STOM: variants seen among roughly 807,000 people sequenced by gnomAD.
STOM encodes the protein erythrocyte band 7 integral membrane protein.
A neutral mutation model predicts 30.6 loss-of-function variants in STOM; 25 were observed. That is an observed-to-expected ratio of 0.82 (90% CI 0.60 to 1.14). The LOEUF (loss-of-function observed/expected upper bound fraction) is 1.14, where lower values mean the gene tolerates loss of function less well. STOM is among the 50% of genes most tolerant of loss of function. The pLI, the probability that STOM is intolerant of heterozygous loss-of-function variation, is 0.00. For missense variants in STOM, 292 were observed against 365.2 expected, an observed-to-expected ratio of 0.80 and a Z score of 1.63; for synonymous variants, 118 against 130.8, an observed-to-expected ratio of 0.90 and a Z score of 0.67.
At chr9:121,367,930 T>G (rs886877962) in intron 1 of STOM, among the ~76,000 whole-genome samples, 7 of 152,234 alleles carry the variant, frequency 4.6e-5, no homozygotes, top group Non-Finnish European at 2.9e-5. Context: ...GGCTGAAAAT[T>G]TTAGAAACTG....
At chr9:121,352,659 C>G (rs2064349472) in intron 4 of STOM, among the ~76,000 whole-genome samples, 1 of 152,218 alleles carries the variant, frequency 6.6e-6, no homozygotes, top group African/African-American at 2.4e-5. Context: ...GCACATATAT[C>G]TCACTTCTCA....
intron 2 of STOM, 108 bp downstream of exon 2, chr9:121,355,940 TATAAG>T (rs1416310214): frequency 3.1e-6 from 2 of 650,492 alleles, no homozygotes; most frequent in Non-Finnish European, 4.9e-6. Flanking sequence ...AAATAAGAAT[TATAAG>T]AGAGAGAGAC....
intron 1 of STOM, among the ~76,000 whole-genome samples, chr9:121,360,803 C>T (rs1166170500): frequency 2.0e-5 from 3 of 152,158 alleles, no homozygotes; most frequent in Non-Finnish European, 4.4e-5. Flanking sequence ...TCCCATGTCA[C>T]ATTGTGTTTT....
chr9:121,340,158 T>A lies in STOM; in HGVS notation c.*1044A>T, dbSNP rs2064233410. 1 of 985,330 alleles carries A rather than the reference T, an allele frequency of 1.0e-6. No individual in the cohort carries two copies. The highest frequency in any genetic ancestry group is 1.2e-6 in the Non-Finnish European group (1 of 829,936). 61.0% of individuals were successfully genotyped at this position (985,330 alleles called of 1,614,324 possible). A position where few individuals can be genotyped will look rare whatever the true frequency, so the allele number is the denominator to read the frequency against. ...ATAGGCAACAGTGAGAAAAAAGCAC[T>A]TTTGTGACAAATATTTAGCTGGTTT... is the stretch of plus-strand genomic sequence containing the variant. On this transcript the variant is annotated 3_prime_UTR_variant, in exon 7 of 7. Transcript: ENST00000286713.
rs909059114 is a variant in STOM, at chr9:121,365,141, G to GA, written c.61+4985dup. 1.8e-4 allele frequency among the ~76,000 whole-genome samples: 26 copies of GA among 145,612 alleles called. No homozygotes were observed. In the East Asian group the frequency reaches 2.0e-3, roughly 11 times the overall value. ...GAGTGTGTTGTTTTTTTGGGGAAAA[G>GA]AAAAAAAAAAGACTGCCTCTCACAT... On this transcript the variant is annotated intron_variant, in intron 1 of 6. Transcript: ENST00000286713.
At chr9:121,364,813 C>T (rs1185938245) in intron 1 of STOM, among the ~76,000 whole-genome samples, 4 of 152,148 alleles carry the variant, frequency 2.6e-5, no homozygotes, top group African/African-American at 9.7e-5. Flanking sequence ...GCCCTTTACC[C>T]TTTTAAAACA....
Position 121,340,354 on chromosome 9 carries a change from G to C in STOM, c.*848C>G. On this transcript the variant is annotated 3_prime_UTR_variant, in exon 7 of 7. Coordinates refer to ENST00000286713, the MANE Select transcript of STOM (RefSeq NM_004099.6). Reference sequence around the variant, plus strand: ...TTTCCTCTAGTTCTGACAAGTACAGGCAAGAAAATGGCTACTCTCAAGTAA... The same window carrying C: ...TTTCCTCTAGTTCTGACAAGTACAGCCAAGAAAATGGCTACTCTCAAGTAA... The C allele has an allele frequency of 1.0e-6, 1 of 985,344 alleles. No individual in the cohort carries two copies. The highest frequency in any genetic ancestry group is 1.2e-6 in the Non-Finnish European group (1 of 829,904). 61.0% of individuals were successfully genotyped at this position (985,344 alleles called of 1,614,324 possible). A position where few individuals can be genotyped will look rare whatever the true frequency, so the allele number is the denominator to read the frequency against.
chr9:121,341,485 G>A, intron 6 of STOM, 77 bp from the exon 7 acceptor site: 1 of 1,583,988 alleles, frequency 6.3e-7, no homozygotes, highest in Non-Finnish European at 8.6e-7. Context: ...CCGGGGGTAT[G>A]TATACCTCAG....
intron 1 of STOM, among the ~76,000 whole-genome samples, chr9:121,359,290 C>T (rs1180923506): frequency 6.6e-6 from 1 of 152,106 alleles, no homozygotes; most frequent in Non-Finnish European, 1.5e-5. Context: ...AGGTCAAGTG[C>T]TCTAAAACAT....
rs1178233582 is a variant in STOM, at chr9:121,339,689, G to C, written c.*1513C>G. The C allele has an allele frequency of 2.1e-5, 26 of 1,231,402 alleles. No homozygotes were observed. The highest frequency in any genetic ancestry group is 2.5e-5 in the Non-Finnish European group (25 of 987,870). The allele number at this position is 1,231,402 out of a possible 1,614,324, so 76.3% of individuals were successfully genotyped here. A position where few individuals can be genotyped will look rare whatever the true frequency, so the allele number is the denominator to read the frequency against. ...TTTCTGGCCAGTAAGCAGAATGCCA[G>C]GTTGCTCAGATTCACAGACATTTGC... On this transcript the variant is annotated 3_prime_UTR_variant, in exon 7 of 7. Transcript: ENST00000286713.
In STOM at chr9:121,349,330, G is replaced by T. The variant is rs747081054; in HGVS notation, c.322-7C>A. ...CTGAATCCTTTGTGAGGATCTACAA[G>T]ATGAAGGAAGCAATTTTACATCTGT... On this transcript the variant is annotated splice_region_variant and splice_polypyrimidine_tract_variant and intron_variant, in intron 4 of 6. Coordinates refer to ENST00000286713, the MANE Select transcript of STOM (RefSeq NM_004099.6). 1.2e-5 allele frequency: 19 copies of T among 1,613,346 alleles called. No individual in the cohort carries two copies. In the Admixed American group the frequency reaches 3.2e-4, roughly 27 times the overall value.
At chr9:121,365,697 C>T (rs577839028) in intron 1 of STOM, among the ~76,000 whole-genome samples, 2 of 151,948 alleles carry the variant, frequency 1.3e-5, no homozygotes, top group Non-Finnish European at 2.9e-5. Flanking sequence ...CCAAATCTAC[C>T]ACTAAATTTT....
chr9:121,343,470 A>G (rs759147077), intron 6 of STOM, among the ~76,000 whole-genome samples: 3 of 152,182 alleles, frequency 2.0e-5, no homozygotes, highest in Non-Finnish European at 4.4e-5. Flanking sequence ...AGATCATTTC[A>G]TTCTAGTGTG....
At chr9:121,347,906 C>T in intron 6 of STOM, 109 bp downstream of exon 6, 1 of 1,343,830 alleles carries the variant, frequency 7.4e-7, no homozygotes, top group Non-Finnish European at 9.9e-7. Context: ...CTAACTTTAC[C>T]ACTTCAAGAT....
intron 1 of STOM, among the ~76,000 whole-genome samples, chr9:121,367,067 G>T (rs532084278): frequency 6.6e-6 from 1 of 151,910 alleles, no homozygotes; most frequent in Non-Finnish European, 1.5e-5. Context: ...AGCAAGACCC[G>T]GTCTCAAAAA....
intron 6 of STOM, among the ~76,000 whole-genome samples, chr9:121,347,715 T>C (rs1245500879): frequency 6.6e-6 from 1 of 152,216 alleles, no homozygotes; most frequent in Non-Finnish European, 1.5e-5. Context: ...CGTCCATAGA[T>C]ATTAATATTA....
chr9:121,341,824 G>T (rs2064249595), intron 6 of STOM, among the ~76,000 whole-genome samples: 1 of 152,162 alleles, frequency 6.6e-6, no homozygotes, highest in African/African-American at 2.4e-5. Flanking sequence ...TTTGATGAAA[G>T]ACTGTGATAT....
intron 1 of STOM, among the ~76,000 whole-genome samples, chr9:121,368,322 G>A (rs896732857): frequency 8.5e-5 from 13 of 152,266 alleles, no homozygotes; most frequent in South Asian, 2.1e-4. Flanking sequence ...TAAACATTAA[G>A]TACAAAGATC....
intron 1 of STOM, chr9:121,366,051 T>C: frequency 1.1e-6 from 1 of 904,240 alleles, no homozygotes; most frequent in Non-Finnish European, 1.3e-6. Context: ...GATGGTAGGG[T>C]GATCTCAACC....
Sources: allele counts gnomAD v4.1 joint callset (sites outside exome capture counted in the v4.1 genomes callset), GRCh38; gene constraint gnomAD v4.1.1; transcripts MANE v1.5; gene names NCBI Gene and HGNC (gene_info 2026-07-23, HGNC 2026-07-21).